ZDHHC14: variants seen among roughly 807,000 people sequenced by gnomAD.
ZDHHC14 encodes zDHHC palmitoyltransferase 14, also known as palmitoyltransferase ZDHHC14.
A neutral mutation model predicts 47.7 loss-of-function variants in ZDHHC14; 16 were observed. That is an observed-to-expected ratio of 0.34 (90% CI 0.23 to 0.51). The LOEUF (loss-of-function observed/expected upper bound fraction) is 0.51. ZDHHC14 is among the 20% of genes least tolerant of loss of function. The probability of loss-of-function intolerance (pLI) is 0.97; values close to 1 mark genes in which losing one functional copy is unlikely to be tolerated. For synonymous variants in ZDHHC14, 293 were observed against 278.9 expected (o/e 1.05, Z -0.50); for missense variants, 515 against 662.5 (o/e 0.78, Z 2.44).
At chr6:157,401,821 G>A (rs768386526) in intron 1 of ZDHHC14, among the ~76,000 whole-genome samples, 2 of 150,054 alleles carry the variant, frequency 1.3e-5, no homozygotes, top group Non-Finnish European at 3.0e-5. Context: ...CACAGCTTCA[G>A]TAGTGAGATG....
chr6:157,528,005 T>C (rs997291075), intron 1 of ZDHHC14, among the ~76,000 whole-genome samples: 1 of 152,202 alleles, frequency 6.6e-6, no homozygotes, highest in African/African-American at 2.4e-5. Context: ...TTTAATTGAT[T>C]GTAGCTTTCA....
chr6:157,603,483 G>A (rs1186681765), intron 3 of ZDHHC14, among the ~76,000 whole-genome samples: 2 of 152,114 alleles, frequency 1.3e-5, no homozygotes, highest in African/African-American at 4.8e-5. Flanking sequence ...CTCAGCTGCT[G>A]GAGCACGATG....
At chr6:157,607,952 G>A (rs1217075986) in intron 3 of ZDHHC14, among the ~76,000 whole-genome samples, 1 of 152,174 alleles carries the variant, frequency 6.6e-6, no homozygotes, top group African/African-American at 2.4e-5. Context: ...TGTCTTCTTG[G>A]CTCTCACAAG....
At chr6:157,625,254 TGAGA>T (rs1214569612) in intron 3 of ZDHHC14, among the ~76,000 whole-genome samples, 1 of 150,832 alleles carries the variant, frequency 6.6e-6, no homozygotes, top group Non-Finnish European at 1.5e-5. Flanking sequence ...GATGTGGGGG[TGAGA>T]GAAAGGGCGG....
intron 8 of ZDHHC14, among the ~76,000 whole-genome samples, chr6:157,655,628 TG>T (rs1372727435): frequency 6.6e-6 from 1 of 152,224 alleles, no homozygotes; most frequent in Non-Finnish European, 1.5e-5. Flanking sequence ...CCACTCTACC[TG>T]GGTTCCCTCT....
chr6:157,407,724 G>T (rs1340216051), intron 1 of ZDHHC14, among the ~76,000 whole-genome samples: 2 of 152,134 alleles, frequency 1.3e-5, no homozygotes, highest in Non-Finnish European at 2.9e-5. Context: ...GCAGAACTCG[G>T]TGCTTATATG....
chr6:157,562,765 G>T (rs1391543789), intron 2 of ZDHHC14, among the ~76,000 whole-genome samples: 1 of 152,138 alleles, frequency 6.6e-6, no homozygotes, highest in Non-Finnish European at 1.5e-5. Context: ...ACATATATAG[G>T]GAGCGTTTTA....
intron 1 of ZDHHC14, among the ~76,000 whole-genome samples, chr6:157,390,474 A>G (rs1715803126): frequency 6.6e-6 from 1 of 152,068 alleles, no homozygotes; most frequent in Admixed American, 6.5e-5. Context: ...TCTTTTTTCA[A>G]ATATTTCTTC....
In ZDHHC14 at chr6:157,463,889, G is replaced by A. The variant is rs1779150742; in HGVS notation, c.246-78696G>A. ...AAAATACAAAAATTAGCCAGGCATTGTGGCTCATGCCTGCAGTCCCAGCTA... is the reference window on the plus strand; with the variant it reads ...AAAATACAAAAATTAGCCAGGCATTATGGCTCATGCCTGCAGTCCCAGCTA... On this transcript the variant is annotated intron_variant, in intron 1 of 8. Coordinates refer to ENST00000359775, the MANE Select transcript of ZDHHC14 (RefSeq NM_024630.3). The surrounding 1 kb of genome is among the most constrained non-coding windows in gnomAD (Gnocchi z 4.4). 6.6e-6 allele frequency among the ~76,000 whole-genome samples: 1 copy of A among 152,154 alleles called. No individual in the cohort carries two copies. Among genetic ancestry groups the A allele is most frequent in the Admixed American group, 6.5e-5 (1 of 15,276 alleles).
At chr6:157,557,197 G>C (rs777708375) in intron 2 of ZDHHC14, among the ~76,000 whole-genome samples, 1 of 152,236 alleles carries the variant, frequency 6.6e-6, no homozygotes, top group Non-Finnish European at 1.5e-5. Flanking sequence ...GCCTAGCACA[G>C]CCTCTCGCAC....
chr6:157,456,084 C>A (rs1014563591), intron 1 of ZDHHC14, among the ~76,000 whole-genome samples: 2 of 152,076 alleles, frequency 1.3e-5, no homozygotes, highest in Non-Finnish European at 2.9e-5. Context: ...CAGATTGCGC[C>A]CTCCGTTATG....
At chr6:157,439,177 A>G (rs1458232893) in intron 1 of ZDHHC14, among the ~76,000 whole-genome samples, 2 of 152,178 alleles carry the variant, frequency 1.3e-5, no homozygotes, top group Non-Finnish European at 2.9e-5. Flanking sequence ...TCCGTTCTTC[A>G]TTTTCAAAAC....
At chr6:157,458,849 A>AGTTTTTTTTTTTTTT (rs1434832129) in intron 1 of ZDHHC14, among the ~76,000 whole-genome samples, 1 of 81,226 alleles carries the variant, frequency 1.2e-5, no homozygotes. Context: ...ATGTGGGTGG[A>AGTTTTTTTTTTTTTT]TTTTTTTTTT....
chr6:157,569,516 C>T (rs1051056516), intron 2 of ZDHHC14, among the ~76,000 whole-genome samples: 6 of 152,004 alleles, frequency 3.9e-5, no homozygotes, highest in African/African-American at 1.4e-4. Flanking sequence ...AATGATTTCC[C>T]CTTATTATTT....
chr6:157,382,418 G>A (rs1777232932), intron 1 of ZDHHC14, 152 bp downstream of exon 1: 1 of 1,014,554 alleles, frequency 9.9e-7, no homozygotes, highest in Admixed American at 3.4e-5. Flanking sequence ...TCTTTTAAAG[G>A]TCTGATTGCT....
Position 157,677,574 on chromosome 6 carries a change from C to T in ZDHHC14, c.*4452C>T, listed in dbSNP as rs929577699. On this transcript the variant is annotated 3_prime_UTR_variant, in exon 9 of 9. Transcript: ENST00000359775. ...CACAAAACTAGATAAATAGCCACAA[C>T]TGGAGTTATTTTTTGATCTCATAAA... 1 of 152,162 alleles carries T rather than the reference C, an allele frequency of 6.6e-6. No homozygotes were observed. Among genetic ancestry groups the T allele is most frequent in the Non-Finnish European group, 1.5e-5 (1 of 68,024 alleles). 9.4% of individuals were successfully genotyped at this position (152,162 alleles called of 1,614,324 possible).
intron 2 of ZDHHC14, among the ~76,000 whole-genome samples, chr6:157,575,146 A>C (rs1582964791): frequency 6.6e-6 from 1 of 152,290 alleles, no homozygotes; most frequent in Non-Finnish European, 1.5e-5. Flanking sequence ...TCTACCGTGA[A>C]GTCTTGAGAA....
At chr6:157,496,727 TA>T (rs1317722460) in intron 1 of ZDHHC14, among the ~76,000 whole-genome samples, 3 of 152,168 alleles carry the variant, frequency 2.0e-5, no homozygotes, top group African/African-American at 4.8e-5. Context: ...GCCACCACCT[TA>T]AATTTGGACT....
chr6:157,666,572 T>A (rs1778563217), intron 8 of ZDHHC14, among the ~76,000 whole-genome samples: 1 of 152,174 alleles, frequency 6.6e-6, no homozygotes, highest in Non-Finnish European at 1.5e-5. Flanking sequence ...AGAACAGAGC[T>A]TCACAGCCAA....
Sources: allele counts gnomAD v4.1 joint callset (sites outside exome capture counted in the v4.1 genomes callset), GRCh38; gene constraint gnomAD v4.1.1; non-coding constraint Gnocchi (gnomAD v3.1); transcripts MANE v1.5; gene names NCBI Gene and HGNC (gene_info 2026-07-23, HGNC 2026-07-21).